The following HHAT variants were observed in gnomAD, a reference collection of about 807,000 sequenced individuals.
HHAT encodes the protein protein-cysteine N-palmitoyltransferase HHAT.
Under a neutral mutation model 70.8 loss-of-function variants are expected in HHAT, and 47 were observed. The observed-to-expected ratio is 0.66, with a 90% CI of 0.53 to 0.85. The LOEUF is 0.85. Among genes scored for constraint, HHAT ranks in the 40% least tolerant of loss-of-function variants. The pLI is 0.00. For missense variants in HHAT, 609 were observed against 604.8 expected (o/e 1.01, Z -0.07); for synonymous variants, 228 against 247.6 (o/e 0.92, Z 0.74).
chr1:210,385,440 A>C (rs1159790978), intron 3 of HHAT, among the ~76,000 whole-genome samples: 1 of 152,160 alleles, frequency 6.6e-6, no homozygotes, highest in Non-Finnish European at 1.5e-5. Flanking sequence ...TGGGGAAATA[A>C]GCTGTGGATC....
intron 3 of HHAT, among the ~76,000 whole-genome samples, chr1:210,376,014 A>ATTTTTTTTTTTTT (rs57707354): frequency 4.3e-4 from 47 of 108,874 alleles, no homozygotes; most frequent in Admixed American, 5.5e-4. Flanking sequence ...TGCACAGCTA[A>ATTTTTTTTTTTTT]TTTTTTTTTT....
At chr1:210,397,432 T>A (rs2091849788) in intron 4 of HHAT, among the ~76,000 whole-genome samples, 1 of 152,124 alleles carries the variant, frequency 6.6e-6, no homozygotes, top group South Asian at 2.1e-4. Context: ...GAGTTTGACG[T>A]ACAGTATGTG....
chr1:210,510,573 A>G (rs1345607949), intron 8 of HHAT, among the ~76,000 whole-genome samples: 2 of 152,194 alleles, frequency 1.3e-5, no homozygotes, highest in East Asian at 3.8e-4. Flanking sequence ...AGCTTTTAAC[A>G]TGAACCATCA....
At chr1:210,445,480 G>T (rs1271413491) in intron 7 of HHAT, among the ~76,000 whole-genome samples, 2 of 151,960 alleles carry the variant, frequency 1.3e-5, no homozygotes, top group South Asian at 2.1e-4. Flanking sequence ...TCCTTTCTAT[G>T]GCTTTACTGT....
chr1:210,609,569 T>A (rs1038118722), intron 10 of HHAT, among the ~76,000 whole-genome samples: 2 of 152,162 alleles, frequency 1.3e-5, no homozygotes, highest in Non-Finnish European at 2.9e-5. Context: ...ATTATATAGG[T>A]AGATGTGTGC....
At chr1:210,448,561 C>A (rs1163956540) in intron 7 of HHAT, among the ~76,000 whole-genome samples, 2 of 152,064 alleles carry the variant, frequency 1.3e-5, no homozygotes, top group Non-Finnish European at 2.9e-5. Context: ...CTCTCCAGGG[C>A]AATTTACGAA....
chr1:210,445,552 C>T (rs968735510), intron 7 of HHAT, among the ~76,000 whole-genome samples: 3 of 152,122 alleles, frequency 2.0e-5, no homozygotes, highest in African/African-American at 7.2e-5. Context: ...ATAAATAAGG[C>T]TTTAGTGAAC....
intron 2 of HHAT, among the ~76,000 whole-genome samples, chr1:210,351,687 G>A (rs989090667): frequency 6.6e-6 from 1 of 152,220 alleles, no homozygotes; most frequent in African/African-American, 2.4e-5. Context: ...GGCAGTTGGT[G>A]CTGGCTTTCA....
chr1:210,422,301 A>G (rs957110447), intron 7 of HHAT, among the ~76,000 whole-genome samples: 4 of 152,172 alleles, frequency 2.6e-5, no homozygotes, highest in African/African-American at 7.2e-5. Flanking sequence ...CCTTCTAGCT[A>G]TTTGAAACTA....
intron 8 of HHAT, among the ~76,000 whole-genome samples, chr1:210,502,680 C>A (rs2094781980): frequency 6.6e-6 from 1 of 152,056 alleles, no homozygotes; most frequent in African/African-American, 2.4e-5. Context: ...CCCTATTTTC[C>A]TTATAGTTTG....
At chr1:210,503,656 C>G (rs2148553347) in intron 8 of HHAT, among the ~76,000 whole-genome samples, 1 of 152,270 alleles carries the variant, frequency 6.6e-6, no homozygotes, top group Middle Eastern at 3.4e-3. Flanking sequence ...CATAACTCTT[C>G]CTCATTAGAG....
chr1:210,335,403 T>G (rs1348062948), intron 1 of HHAT, among the ~76,000 whole-genome samples: 1 of 151,164 alleles, frequency 6.6e-6, no homozygotes, highest in Non-Finnish European at 1.5e-5. Flanking sequence ...GCTCTGCAAA[T>G]CTATAGATTC....
At chr1:210,420,494 A>T (rs1378013281) in intron 7 of HHAT, among the ~76,000 whole-genome samples, 1 of 152,174 alleles carries the variant, frequency 6.6e-6, no homozygotes, top group Non-Finnish European at 1.5e-5. Flanking sequence ...CTGTAGGGCC[A>T]TAACTTTCAA....
intron 5 of HHAT, among the ~76,000 whole-genome samples, chr1:210,401,491 C>T (rs74156149): frequency 0.023 from 3,552 of 152,246 alleles, 136 homozygotes; most frequent in African/African-American, 0.082. Flanking sequence ...AAGTGTTTAG[C>T]CCCGAAGGGC....
chr1:210,340,242 G>GGGGAAAAAAAAAA lies in HHAT; in HGVS notation c.-43-8691_-43-8690insGGGAAAAAAAAAA, dbSNP rs1553313987. On this transcript the variant is annotated intron_variant, in intron 1 of 11. Coordinates refer to ENST00000261458, the MANE Select transcript of HHAT (RefSeq NM_018194.6). ...GGGGATAGAGCAAGACTCTGTCTCA[G>GGGGAAAAAAAAAA]AAAAAAAAAAAAAAAAAAAAAAAAA... Among the ~76,000 whole-genome samples, 10 of 99,780 alleles carry GGGGAAAAAAAAAA rather than the reference G, an allele frequency of 1.0e-4. 4 individuals carry two copies. Among genetic ancestry groups the GGGGAAAAAAAAAA allele is most frequent in the Non-Finnish European group, 1.0e-4 (5 of 48,734 alleles). 65.5% of individuals were successfully genotyped at this position (99,780 alleles called of 152,430 possible).
chr1:210,533,831 A>G lies in HHAT; in HGVS notation c.1043+20643A>G, dbSNP rs562430951. On this transcript the variant is annotated intron_variant, in intron 9 of 11. Transcript: ENST00000261458. ...CTAATAAAGAAATCAAAGATTGATA[A>G]TTTAGTCTTACAAACTTTTAAAAGT... Among the ~76,000 whole-genome samples the G allele has an allele frequency of 4.6e-5, 7 of 152,330 alleles. No homozygotes were observed. The South Asian group carries it at 8.3e-4, about 18-fold the overall frequency.
intron 10 of HHAT, among the ~76,000 whole-genome samples, chr1:210,598,180 G>T (rs761743744): frequency 5.3e-5 from 8 of 151,898 alleles, no homozygotes; most frequent in Non-Finnish European, 1.2e-4. Flanking sequence ...ATCTTACTGT[G>T]GCTGAGCACG....
chr1:210,458,323 AG>A (rs1442046403), intron 7 of HHAT, among the ~76,000 whole-genome samples: 4 of 152,226 alleles, frequency 2.6e-5, no homozygotes, highest in Admixed American at 2.6e-4. Context: ...TCATTTGTTC[AG>A]CAAATACTCA....
chr1:210,461,776 C>A (rs1057359282), intron 7 of HHAT, among the ~76,000 whole-genome samples: 8 of 151,948 alleles, frequency 5.3e-5, no homozygotes, highest in Non-Finnish European at 1.2e-4. Context: ...AGCTTGTAAA[C>A]CAGATATTAA....
Sources: gnomAD v4.1 joint callset for allele counts (sites outside exome capture counted in the v4.1 genomes callset) on GRCh38, gnomAD v4.1.1 for gene constraint, MANE v1.5 for transcripts, NCBI Gene and HGNC (gene_info 2026-07-23, HGNC 2026-07-21) for gene names.